The following MYO5A variants were observed in gnomAD, a reference collection of about 807,000 sequenced individuals.
MYO5A encodes myosin VA, also known as unconventional myosin-Va.
MYO5A carries 98 observed loss-of-function variants against 249.7 expected under a neutral mutation model. That is an observed-to-expected ratio of 0.39 (90% CI 0.33 to 0.46). The LOEUF (loss-of-function observed/expected upper bound fraction) is 0.46, where lower values mean the gene tolerates loss of function less well. MYO5A is among the 20% of genes least tolerant of loss of function. The probability of loss-of-function intolerance (pLI) is 0.98; values close to 1 mark genes in which losing one functional copy is unlikely to be tolerated. For missense variants in MYO5A, 1,696 were observed against 2,308.8 expected (o/e 0.73, Z 5.44); for synonymous variants, 778 against 810.6 (o/e 0.96, Z 0.68).
Position 52,328,004 on chromosome 15 carries a change from G to A in MYO5A, c.4558C>T (p.Leu1520=), listed in dbSNP as rs773894274. Residue 1520 remains leucine, a splice_region_variant and synonymous_variant, in exon 36 of 42, where the codon CTG becomes TTG. Coordinates refer to ENST00000399233, the MANE Select transcript of MYO5A (RefSeq NM_001382347.1). ...TTGACTGCTACACCACGTGGCTTCA[G>A]TTCTAAAAAAGAAAAAATAATAATT... ...QKLVKNLILE[L]KPRGVAVNLI... 1.2e-6 allele frequency: 2 copies of A among 1,611,402 alleles called. No homozygotes were observed. Among genetic ancestry groups the A allele is most frequent in the Non-Finnish European group, 1.7e-6 (2 of 1,178,384 alleles).
chr15:52,506,695 C>T (rs896084913), intron 1 of MYO5A, among the ~76,000 whole-genome samples: 17 of 151,960 alleles, frequency 1.1e-4, no homozygotes, highest in Non-Finnish European at 2.4e-4. Flanking sequence ...AATTAGCCGG[C>T]GTGGTTGCCT....
intron 35 of MYO5A, among the ~76,000 whole-genome samples, chr15:52,329,386 C>G (rs1265670870): frequency 2.0e-5 from 3 of 152,182 alleles, no homozygotes; most frequent in Non-Finnish European, 4.4e-5. Flanking sequence ...TGTGCAAAGG[C>G]TGAAAGGAGA....
chr15:52,336,463 C>G lies in MYO5A; in HGVS notation c.4408G>C (p.Val1470Leu). 6.3e-7 allele frequency: 1 copy of G among 1,587,524 alleles called. No individual in the cohort carries two copies. The highest frequency in any genetic ancestry group is 8.6e-7 in the Non-Finnish European group (1 of 1,160,254). The change falls in exon 34 of 42, where the codon GTG becomes CTG. Residue 1470 changes from valine (V) to leucine (L), a missense_variant and splice_region_variant. Val to Leu is a conservative substitution (Grantham distance 32, BLOSUM62 1). This residue lies in a region of MYO5A where 625 missense variants were observed against 908.1 expected (regional missense o/e 0.69). Transcript: ENST00000399233. ...CGTCTTGAAAAAAAGGTTTAAATAC[C>G]TTCTAGTTCGCCAATTTTTTTGGCA... ...VFAKKIGELE[V>L]GQMENISPGQ...
At chr15:52,318,973 C>T in intron 39 of MYO5A, 87 bp downstream of exon 39, 1 of 1,515,778 alleles carries the variant, frequency 6.6e-7, no homozygotes, top group Non-Finnish European at 9.0e-7. Flanking sequence ...GATGCAAGAA[C>T]TGAAAACAAG....
intron 1 of MYO5A, among the ~76,000 whole-genome samples, chr15:52,451,061 C>T (rs934726364): frequency 2.0e-5 from 3 of 152,122 alleles, no homozygotes; most frequent in African/African-American, 7.2e-5. Flanking sequence ...CCTAGATCCA[C>T]ATTACTTCCT....
chr15:52,323,753 C>T (rs2038443544), intron 36 of MYO5A: 1 of 337,802 alleles, frequency 3.0e-6, no homozygotes, highest in South Asian at 2.5e-5. Context: ...CCTGTAATCC[C>T]AGCACTTTGG....
chr15:52,314,539 A>G (rs1336781701), intron 40 of MYO5A, among the ~76,000 whole-genome samples: 1 of 152,102 alleles, frequency 6.6e-6, no homozygotes, highest in Non-Finnish European at 1.5e-5. Flanking sequence ...TGTCCTGAAC[A>G]CCCCCTCTAG....
intron 14 of MYO5A, among the ~76,000 whole-genome samples, 177 bp from the exon 15 acceptor site, chr15:52,384,499 C>T (rs2041893714): frequency 6.6e-6 from 1 of 152,074 alleles, no homozygotes. Flanking sequence ...GAGGTAAGTG[C>T]TATACAAAAA....
At chr15:52,457,107 G>GCAAAA (rs200585645) in intron 1 of MYO5A, among the ~76,000 whole-genome samples, 2 of 151,944 alleles carry the variant, frequency 1.3e-5, no homozygotes, top group Admixed American at 6.6e-5. Context: ...CAATTCAACA[G>GCAAAA]CAAAACAAAA....
At chr15:52,500,234 A>G (rs1421998988) in intron 1 of MYO5A, among the ~76,000 whole-genome samples, 1 of 152,038 alleles carries the variant, frequency 6.6e-6, no homozygotes, top group Non-Finnish European at 1.5e-5. Context: ...ATTTCATTGT[A>G]GGCTAGATTT....
chr15:52,404,665 C>T (rs551186049), intron 9 of MYO5A, among the ~76,000 whole-genome samples: 11 of 152,168 alleles, frequency 7.2e-5, no homozygotes, highest in Non-Finnish European at 1.0e-4. Flanking sequence ...AGAAGAGATG[C>T]TAGAGATCTG....
intron 27 of MYO5A, among the ~76,000 whole-genome samples, chr15:52,352,118 G>A (rs563862027): frequency 6.6e-6 from 1 of 152,322 alleles, no homozygotes; most frequent in African/African-American, 2.4e-5. Flanking sequence ...GAGGCAGGAG[G>A]CAAGGCTGAA....
intron 22 of MYO5A, among the ~76,000 whole-genome samples, chr15:52,368,922 G>A (rs1036782134): frequency 2.6e-5 from 4 of 152,198 alleles, no homozygotes; most frequent in African/African-American, 9.7e-5. Context: ...TGAGGAATCC[G>A]AAGCTGGAAA....
chr15:52,504,599 G>A (rs1375390483), intron 1 of MYO5A, among the ~76,000 whole-genome samples: 3 of 152,152 alleles, frequency 2.0e-5, no homozygotes, highest in Non-Finnish European at 4.4e-5. Context: ...CAGCTACAAG[G>A]AACAGAAAAG....
intron 22 of MYO5A, among the ~76,000 whole-genome samples, chr15:52,367,850 TTA>T (rs1237496432): frequency 6.7e-6 from 1 of 148,430 alleles, no homozygotes; most frequent in Non-Finnish European, 1.5e-5. Flanking sequence ...ATGGTAAATT[TTA>T]TGTCATGTAT....
chr15:52,479,270 G>A (rs901999827), intron 1 of MYO5A, among the ~76,000 whole-genome samples: 20 of 151,974 alleles, frequency 1.3e-4, no homozygotes, highest in African/African-American at 2.2e-4. Flanking sequence ...GAGCCACTGC[G>A]CCCAGCCAAT....
intron 1 of MYO5A, among the ~76,000 whole-genome samples, chr15:52,478,052 G>T (rs948237564): frequency 3.9e-5 from 6 of 152,180 alleles, no homozygotes; most frequent in African/African-American, 1.4e-4. Context: ...AGCTGCGGTG[G>T]GCTCCACCCA....
chr15:52,445,547 A>T (rs2075871160), intron 1 of MYO5A, among the ~76,000 whole-genome samples: 1 of 152,238 alleles, frequency 6.6e-6, no homozygotes, highest in Non-Finnish European at 1.5e-5. Context: ...CTTTGGAACT[A>T]GGTAACAGCA....
intron 1 of MYO5A, among the ~76,000 whole-genome samples, chr15:52,470,267 G>C (rs1567156391): frequency 6.6e-6 from 1 of 152,070 alleles, no homozygotes; most frequent in Non-Finnish European, 1.5e-5. Flanking sequence ...GCTGTGTTTG[G>C]GGGCAAGTAG....
Sources: allele counts gnomAD v4.1 joint callset (sites outside exome capture counted in the v4.1 genomes callset), GRCh38; gene constraint gnomAD v4.1.1; regional missense constraint gnomAD v4.1.1; transcripts MANE v1.5; gene names NCBI Gene and HGNC (gene_info 2026-07-23, HGNC 2026-07-21).